Variants in KCNH7 observed in about 807,000 individuals in gnomAD.
KCNH7 encodes the protein potassium voltage-gated channel subfamily H member 7, also known as voltage-gated inwardly rectifying potassium channel KCNH7.
In KCNH7, 49 loss-of-function variants were observed where a neutral mutation model predicts 120.8. That is an observed-to-expected ratio of 0.41 (90% CI 0.32 to 0.51). The LOEUF (loss-of-function observed/expected upper bound fraction) is 0.51. Ranked by LOEUF, KCNH7 falls within the 20% of genes least tolerant of loss-of-function variation. KCNH7 has a pLI of 0.38. For missense variants in KCNH7, 1,097 were observed against 1,446.6 expected (o/e 0.76, Z 3.92); for synonymous variants, 547 against 516.1 (o/e 1.06, Z -0.81).
At chr2:162,532,416 C>A (rs1472027950) in intron 3 of KCNH7, among the ~76,000 whole-genome samples, 1 of 151,794 alleles carries the variant, frequency 6.6e-6, no homozygotes, top group African/African-American at 2.4e-5. Context: ...GCACAAGACC[C>A]CAGATACCAG....
chr2:162,819,886 G>A (rs969196132), intron 2 of KCNH7, among the ~76,000 whole-genome samples: 1 of 151,738 alleles, frequency 6.6e-6, no homozygotes, highest in African/African-American at 2.4e-5. Context: ...ATTTTGTTTT[G>A]GTTTTTGTAT....
intron 2 of KCNH7, among the ~76,000 whole-genome samples, chr2:162,595,321 T>C (rs1413220256): frequency 1.3e-5 from 2 of 151,886 alleles, no homozygotes; most frequent in Admixed American, 6.6e-5. Context: ...TGGGGTAAAC[T>C]GCCCCCATAA....
chr2:162,532,947 A>G (rs1311113158), intron 3 of KCNH7, among the ~76,000 whole-genome samples: 1 of 151,896 alleles, frequency 6.6e-6, no homozygotes, highest in African/African-American at 2.4e-5. Context: ...GATGAGCCTT[A>G]AGAAATAGAA....
chr2:162,371,615 A>C lies in KCNH7; in HGVS notation c.*214T>G, dbSNP rs1685950056. The stretch of plus-strand genomic sequence containing the variant: ...AAATAAGGTGCCGTGAGATGCTGGC[A>C]GTTTTAACATTTGGAACCAAAAGTT... On this transcript the variant is annotated 3_prime_UTR_variant, in exon 16 of 16. Transcript: ENST00000332142. 1 of 808,146 alleles carries C rather than the reference A, an allele frequency of 1.2e-6. No homozygotes were observed. Among genetic ancestry groups the C allele is most frequent in the African/African-American group, 1.7e-5 (1 of 57,952 alleles). The allele number at this position is 808,146 out of a possible 1,614,324, so 50.1% of individuals were successfully genotyped here. A position where few individuals can be genotyped will look rare whatever the true frequency, so the allele number is the denominator to read the frequency against.
chr2:162,556,489 A>T (rs1692860813), intron 2 of KCNH7, among the ~76,000 whole-genome samples: 1 of 152,156 alleles, frequency 6.6e-6, no homozygotes, highest in Non-Finnish European at 1.5e-5. Flanking sequence ...AGTATGTATT[A>T]CTTTTATAAT....
intron 2 of KCNH7, among the ~76,000 whole-genome samples, chr2:162,825,360 C>T (rs1463488723): frequency 6.6e-6 from 1 of 151,462 alleles, no homozygotes; most frequent in Non-Finnish European, 1.5e-5. Flanking sequence ...TTACAAAATT[C>T]AACAAATTTC....
At chr2:162,762,328 C>T (rs945187145) in intron 2 of KCNH7, among the ~76,000 whole-genome samples, 1 of 151,344 alleles carries the variant, frequency 6.6e-6, no homozygotes, top group Non-Finnish European at 1.5e-5. Flanking sequence ...TTTGTTATAA[C>T]ATCTTGTCAG....
chr2:162,628,018 C>G (rs1321433729), intron 2 of KCNH7, among the ~76,000 whole-genome samples: 1 of 151,974 alleles, frequency 6.6e-6, no homozygotes, highest in African/African-American at 2.4e-5. Context: ...TTTTACAAAA[C>G]CAAGAACACT....
rs1685618049 is a variant in KCNH7, at chr2:162,678,930, C to G, written c.308-141850G>C. ...TTACATATTTATACCTAAAATTGAC[C>G]AAAGAGTTTCAAATATACACAATTG... On this transcript the variant is annotated intron_variant, in intron 2 of 15. Transcript: ENST00000332142. Among the ~76,000 whole-genome samples the G allele has an allele frequency of 4.0e-5, 6 of 151,618 alleles. No homozygotes were observed. The South Asian group carries it at 1.2e-3, about 31-fold the overall frequency.
intron 2 of KCNH7, among the ~76,000 whole-genome samples, chr2:162,636,979 A>C (rs551780329): frequency 6.6e-6 from 1 of 152,100 alleles, no homozygotes; most frequent in Non-Finnish European, 1.5e-5. Context: ...CCATTCTTTC[A>C]AACTATGGAA....
intron 2 of KCNH7, among the ~76,000 whole-genome samples, chr2:162,549,347 G>A (rs561624091): frequency 1.7e-4 from 26 of 152,328 alleles, no homozygotes; most frequent in Non-Finnish European, 7.3e-5. Context: ...TCAGCTGAAG[G>A]TTAAGCCGTT....
At chr2:162,837,504 A>G (rs1402245531) in intron 1 of KCNH7, among the ~76,000 whole-genome samples, 4 of 152,202 alleles carry the variant, frequency 2.6e-5, no homozygotes, top group African/African-American at 9.6e-5. Flanking sequence ...GATTGTATTT[A>G]CTATTTCCAC....
chr2:162,682,607 G>A (rs369589490), intron 2 of KCNH7, among the ~76,000 whole-genome samples: 1 of 151,656 alleles, frequency 6.6e-6, no homozygotes, highest in African/African-American at 2.4e-5. Flanking sequence ...ATAAAATACC[G>A]AAAGAATGTC....
chr2:162,559,705 A>G (rs1692994274), intron 2 of KCNH7, among the ~76,000 whole-genome samples: 1 of 152,234 alleles, frequency 6.6e-6, no homozygotes, highest in East Asian at 1.9e-4. Flanking sequence ...AAGAGCTGAG[A>G]CCAGTGAAAT....
At chr2:162,419,661 T>C (rs966009546) in intron 9 of KCNH7, among the ~76,000 whole-genome samples, 1 of 152,110 alleles carries the variant, frequency 6.6e-6, no homozygotes, top group Non-Finnish European at 1.5e-5. Context: ...CATACAGGCA[T>C]TTTTTCCATG....
intron 13 of KCNH7, among the ~76,000 whole-genome samples, chr2:162,383,451 G>C (rs1187697875): frequency 6.6e-6 from 1 of 151,822 alleles, no homozygotes; most frequent in Non-Finnish European, 1.5e-5. Context: ...TATATTCTTA[G>C]CTTACTTCAA....
At chr2:162,817,895 T>C (rs1684970291) in intron 2 of KCNH7, among the ~76,000 whole-genome samples, 1 of 152,130 alleles carries the variant, frequency 6.6e-6, no homozygotes, top group Admixed American at 6.5e-5. Context: ...TCATTACTGA[T>C]TGTAGACACA....
intron 6 of KCNH7, among the ~76,000 whole-genome samples, chr2:162,470,353 G>T (rs1396809964): frequency 6.6e-6 from 1 of 151,746 alleles, no homozygotes; most frequent in African/African-American, 2.4e-5. Flanking sequence ...CCTCTGCCCG[G>T]CCGCGACCCT....
At chr2:162,816,118 G>T (rs1412609157) in intron 2 of KCNH7, among the ~76,000 whole-genome samples, 2 of 151,968 alleles carry the variant, frequency 1.3e-5, no homozygotes, top group African/African-American at 4.8e-5. Context: ...TTAGCCGGTT[G>T]TGGTGGCGCA....
Sources: allele counts gnomAD v4.1 joint callset (sites outside exome capture counted in the v4.1 genomes callset), GRCh38; gene constraint gnomAD v4.1.1; transcripts MANE v1.5; gene names NCBI Gene and HGNC (gene_info 2026-07-23, HGNC 2026-07-21).